Variants in RXRA observed in about 807,000 individuals in gnomAD.
The protein encoded by RXRA is retinoid X receptor alpha.
In RXRA, 5 loss-of-function variants were observed where a neutral mutation model predicts 44.5. That is an observed-to-expected ratio of 0.11 (90% CI 0.06 to 0.24). The LOEUF (loss-of-function observed/expected upper bound fraction) is 0.24. RXRA is among the 10% of genes least tolerant of loss of function. The pLI is 1.00. For synonymous variants in RXRA, 291 were observed against 271.4 expected, an observed-to-expected ratio of 1.07 and a Z score of -0.71; for missense variants, 412 against 646.5, an observed-to-expected ratio of 0.64 and a Z score of 3.93.
At chr9:134,328,360 C>T (rs1224083010) in intron 1 of RXRA, among the ~76,000 whole-genome samples, 2 of 152,042 alleles carry the variant, frequency 1.3e-5, no homozygotes, top group Non-Finnish European at 2.9e-5. Flanking sequence ...GGATGTAGGG[C>T]GAGGGAGCAA....
chr9:134,339,721 C>CTG (rs371187523), intron 1 of RXRA, among the ~76,000 whole-genome samples: 7,422 of 138,382 alleles, frequency 0.054, 652 homozygotes, highest in African/African-American at 0.19. Context: ...GTGTTTGAGC[C>CTG]TGTGTGTGTG....
intron 1 of RXRA, among the ~76,000 whole-genome samples, chr9:134,345,351 GT>G (rs1564262999): frequency 6.6e-6 from 1 of 152,240 alleles, no homozygotes; most frequent in Admixed American, 6.5e-5. Flanking sequence ...GCCCTGATGG[GT>G]TTTTGTGTGC....
rs61751480 is a variant in RXRA at position 134,436,620 on chromosome 9, C to T, written c.*6C>T. 19,347 of 1,613,668 alleles carry T rather than the reference C, an allele frequency of 0.012. 144 individuals are homozygous for T. The highest frequency in any genetic ancestry group is 0.014 in the Non-Finnish European group (16,795 of 1,179,890). ...CGCCGCACCAAATGACTTAGGCCTG[C>T]GGGCCCATCCTTTGTGCCCACCCGT... On this transcript the variant is annotated 3_prime_UTR_variant, in exon 10 of 10. Transcript: ENST00000481739.
intron 6 of RXRA, chr9:134,425,125 G>A (rs1381722536): frequency 1.3e-5 from 13 of 985,238 alleles, no homozygotes; most frequent in Non-Finnish European, 1.4e-5. Context: ...CCTGTGGCTC[G>A]CGGTGACACT....
intron 1 of RXRA, among the ~76,000 whole-genome samples, chr9:134,397,152 C>T (rs1346260252): frequency 6.6e-6 from 1 of 152,216 alleles, no homozygotes; most frequent in Admixed American, 6.5e-5. Flanking sequence ...AGCTCAGGAA[C>T]TTTGGTCAAC....
At chr9:134,351,515 C>T (rs1364589918) in intron 1 of RXRA, among the ~76,000 whole-genome samples, 5 of 152,204 alleles carry the variant, frequency 3.3e-5, no homozygotes, top group African/African-American at 4.8e-5. Context: ...GATCCTTCAC[C>T]TCAGGAAACG....
chr9:134,394,548 G>A (rs1452962442), intron 1 of RXRA, among the ~76,000 whole-genome samples: 1 of 152,158 alleles, frequency 6.6e-6, no homozygotes. Flanking sequence ...AGCTCGCGGA[G>A]GTCTCTGGGG....
At chr9:134,327,712 G>C (rs1000712120) in intron 1 of RXRA, among the ~76,000 whole-genome samples, 45 of 152,158 alleles carry the variant, frequency 3.0e-4, no homozygotes, top group African/African-American at 1.0e-3. Flanking sequence ...CAATGTAGCT[G>C]CAGGGATGTT....
intron 1 of RXRA, among the ~76,000 whole-genome samples, chr9:134,386,310 T>G (rs947011914): frequency 6.6e-6 from 1 of 152,228 alleles, no homozygotes; most frequent in African/African-American, 2.4e-5. Context: ...TCGCCTGCCC[T>G]CGCCATGAGG....
intron 4 of RXRA, among the ~76,000 whole-genome samples, chr9:134,416,270 G>A (rs1831232796): frequency 1.3e-5 from 2 of 152,220 alleles, no homozygotes; most frequent in Non-Finnish European, 2.9e-5. Context: ...GGCGGGAGGA[G>A]CCTCATGCGC....
At chr9:134,340,450 G>A (rs1361377888) in intron 1 of RXRA, among the ~76,000 whole-genome samples, 1 of 152,224 alleles carries the variant, frequency 6.6e-6, no homozygotes, top group Non-Finnish European at 1.5e-5. Flanking sequence ...CAGGAGTGAG[G>A]GCCGAGGGGC....
At chr9:134,345,448 G>T (rs1283113958) in intron 1 of RXRA, among the ~76,000 whole-genome samples, 2 of 152,216 alleles carry the variant, frequency 1.3e-5, no homozygotes, top group Non-Finnish European at 2.9e-5. Flanking sequence ...CTCGTGGAGG[G>T]TTCTGGAGTT....
At chr9:134,379,916 G>T in intron 1 of RXRA, 2 of 985,324 alleles carry the variant, frequency 2.0e-6, no homozygotes, top group Non-Finnish European at 2.4e-6. Context: ...AGGCCTGCTG[G>T]TCTCTGGGTC....
In RXRA at chr9:134,417,223, G is replaced by A. The variant is rs756234164; in HGVS notation, c.676G>A (p.Ala226Thr). 9.9e-6 allele frequency: 16 copies of A among 1,613,598 alleles called. No individual in the cohort carries two copies. The highest frequency in any genetic ancestry group is 4.0e-5 in the African/African-American group (3 of 74,940). ...NENEVESTSS[A>T]NEDMPVERIL... ...GAATGAGGTGGAGTCGACCAGCAGCGCCAACGAGGACATGCCGGTGGAGAG... is the reference window on the plus strand; with the variant it reads ...GAATGAGGTGGAGTCGACCAGCAGCACCAACGAGGACATGCCGGTGGAGAG... Residue 226 changes from alanine to threonine, a missense_variant, in exon 5 of 10, where the codon GCC (alanine) becomes ACC (threonine). Physicochemically the swap from Ala to Thr is moderately conservative, Grantham distance 58. Transcript: ENST00000481739. The surrounding 1 kb of genome is among the most constrained non-coding windows in gnomAD (Gnocchi z 6.1).
Position 134,436,501 on chromosome 9 carries a change from C to T in RXRA, c.1276C>T (p.Arg426Cys), listed in dbSNP as rs1831623947. Residue 426 changes from arginine to cysteine, a missense_variant, in exon 10 of 10, where the codon CGC (arginine) becomes TGC (cysteine). By Grantham distance (180) the Arg-to-Cys change is radical. Around this residue, in one of 4 missense-constraint regions of RXRA, gnomAD observed 141 missense variants for 270.8 expected, o/e 0.52. Transcript: ENST00000481739. Reference protein sequence around the residue: ...AKLLLRLPALRSIGLKCLEHL... With the variant: ...AKLLLRLPALCSIGLKCLEHL... The stretch of plus-strand genomic sequence containing the variant: ...GCTCTTGCTCCGCCTGCCGGCTCTG[C>T]GCTCCATCGGGCTCAAATGCCTGGA... 4 of 1,614,150 alleles carry T rather than the reference C, an allele frequency of 2.5e-6. No individual in the cohort carries two copies. The highest frequency in any genetic ancestry group is 3.4e-6 in the Non-Finnish European group (4 of 1,180,030).
At chr9:134,371,336 T>C (rs1830489009) in intron 1 of RXRA, among the ~76,000 whole-genome samples, 1 of 152,180 alleles carries the variant, frequency 6.6e-6, no homozygotes. Flanking sequence ...GCCAGGGTGC[T>C]CTTGGGCAGC....
At position 134,366,998 on chromosome 9, in the gene RXRA, C is replaced by T. The variant is rs1564271856; in HGVS notation, c.29-34634C>T. ...CTGCGTGCCACTCTCAGCCTTTGCC[C>T]AGCACCAGGCTTATTATCCGATTGG... On this transcript the variant is annotated intron_variant, in intron 1 of 9. Transcript: ENST00000481739. This position sits in a 1 kb window ranked among gnomAD's most constrained non-coding sequence, Gnocchi z 5.9. 6.6e-6 allele frequency among the ~76,000 whole-genome samples: 1 copy of T among 152,160 alleles called. No individual in the cohort carries two copies. Among genetic ancestry groups the T allele is most frequent in the East Asian group, 1.9e-4 (1 of 5,194 alleles).
rs1831432663 is a variant in RXRA, at chr9:134,426,243, C to T, written c.911-2865C>T. 5.1e-6 allele frequency: 5 copies of T among 985,310 alleles called. No homozygotes were observed. Among genetic ancestry groups the T allele is most frequent in the Admixed American group, 6.1e-5 (1 of 16,262 alleles). The allele number at this position is 985,310 out of a possible 1,614,324, so 61.0% of individuals were successfully genotyped here. A position where few individuals can be genotyped will look rare whatever the true frequency, so the allele number is the denominator to read the frequency against. ...TCTGAAAGGCCAGCGCACCCTGAGC[C>T]GTTTAAAGCTGTGTCCGTGCCGGGC... On this transcript the variant is annotated intron_variant, in intron 6 of 9. Transcript: ENST00000481739. The surrounding 1 kb of genome is among the most constrained non-coding windows in gnomAD (Gnocchi z 4.6).
At chr9:134,330,488 A>G (rs1057180060) in intron 1 of RXRA, among the ~76,000 whole-genome samples, 5 of 152,096 alleles carry the variant, frequency 3.3e-5, no homozygotes, top group African/African-American at 1.2e-4. Flanking sequence ...GAGATTCTTA[A>G]GCTGATCAGT....
Sources: gnomAD v4.1 joint callset for allele counts (sites outside exome capture counted in the v4.1 genomes callset) on GRCh38, gnomAD v4.1.1 for gene constraint, gnomAD v4.1.1 regional missense constraint, Gnocchi (gnomAD v3.1) non-coding constraint, MANE v1.5 for transcripts, NCBI Gene and HGNC (gene_info 2026-07-23, HGNC 2026-07-21) for gene names.